ADIPOR2: variants seen among roughly 807,000 people sequenced by gnomAD.
The protein encoded by ADIPOR2 is adiponectin receptor protein 2.
ADIPOR2 carries 18 observed loss-of-function variants against 40.9 expected under a neutral mutation model. That is an observed-to-expected ratio of 0.44 (90% CI 0.30 to 0.65). The LOEUF is 0.65. Ranked by LOEUF, ADIPOR2 falls within the 30% of genes least tolerant of loss-of-function variation. ADIPOR2 has a pLI of 0.09. For missense variants in ADIPOR2, 283 were observed against 479.2 expected (o/e 0.59, Z 3.82); for synonymous variants, 165 against 166.4 (o/e 0.99, Z 0.06).
intron 1 of ADIPOR2, among the ~76,000 whole-genome samples, chr12:1,695,022 T>TG (rs1369971445): frequency 2.6e-4 from 32 of 123,604 alleles, no homozygotes; most frequent in Admixed American, 9.7e-4. Flanking sequence ...TTTTTTTTTT[T>TG]TTTTTGTTTT....
chr12:1,725,851 TTTC>T (rs2094706891), intron 1 of ADIPOR2, among the ~76,000 whole-genome samples: 1 of 152,158 alleles, frequency 6.6e-6, no homozygotes, highest in South Asian at 2.1e-4. Context: ...ATGATTTTAA[TTTC>T]TTTTTTTTCC....
intron 1 of ADIPOR2, among the ~76,000 whole-genome samples, chr12:1,705,039 CTT>C (rs2094659248): frequency 1.3e-5 from 2 of 152,108 alleles, no homozygotes; most frequent in Admixed American, 6.6e-5. Flanking sequence ...ACAAAACAGA[CTT>C]GTGCTCTGGA....
intron 1 of ADIPOR2, among the ~76,000 whole-genome samples, chr12:1,723,118 C>T (rs1174168679): frequency 6.6e-6 from 1 of 152,134 alleles, no homozygotes; most frequent in East Asian, 1.9e-4. Context: ...CCTTGAAGTT[C>T]ATTTTGGATC....
chr12:1,778,723 C>T (rs1402335079), intron 4 of ADIPOR2: 1 of 152,082 alleles, frequency 6.6e-6, no homozygotes, highest in East Asian at 1.9e-4. Flanking sequence ...GTTGGTATAT[C>T]AAAGTGCATT....
chr12:1,729,613 A>AGTT (rs2094715361), intron 1 of ADIPOR2, among the ~76,000 whole-genome samples: 1 of 83,366 alleles, frequency 1.2e-5, no homozygotes, highest in South Asian at 4.5e-4. Flanking sequence ...GAGCTCAGCC[A>AGTT]GTTGTTTTTT....
At chr12:1,781,104 G>T in intron 6 of ADIPOR2, 28 bp downstream of exon 6, 1 of 1,521,902 alleles carries the variant, frequency 6.6e-7, no homozygotes, top group South Asian at 1.3e-5. Flanking sequence ...TTCTACATTC[G>T]ACATTCATTT....
At chr12:1,695,119 G>A (rs1136213) in intron 1 of ADIPOR2, among the ~76,000 whole-genome samples, 40,460 of 150,812 alleles carry the variant, frequency 0.27, 6,039 homozygotes, top group Admixed American at 0.44. Context: ...GGGCTCAAGC[G>A]ATCCTCCCAC....
intron 1 of ADIPOR2, among the ~76,000 whole-genome samples, chr12:1,714,358 A>G (rs781777364): frequency 6.6e-5 from 10 of 151,900 alleles, no homozygotes; most frequent in Non-Finnish European, 1.3e-4. Context: ...AATGCGTCCA[A>G]ATTTTGTTCA....
chr12:1,759,143 T>C (rs1862213923), intron 2 of ADIPOR2, among the ~76,000 whole-genome samples: 2 of 152,254 alleles, frequency 1.3e-5, no homozygotes, highest in Admixed American at 1.3e-4. Context: ...GCAGAAGTTG[T>C]TGCAGACCTC....
rs33993408 is a variant in ADIPOR2, at chr12:1,725,125, C to CT, written c.-86-29118dup. On this transcript the variant is annotated intron_variant, in intron 1 of 7. Coordinates refer to ENST00000357103, the MANE Select transcript of ADIPOR2 (RefSeq NM_024551.3). ...GAAACATCCAAATACCGCAAACTTTCTTTTTTTTTTTTTTTGAGACAGTTT... is the reference window on the plus strand; with the variant it reads ...GAAACATCCAAATACCGCAAACTTTCTTTTTTTTTTTTTTTTGAGACAGTTT... Among the ~76,000 whole-genome samples, 88 of 143,894 alleles carry CT rather than the reference C, an allele frequency of 6.1e-4. No homozygotes were observed. The South Asian group carries it at 6.4e-3, about 10-fold the overall frequency. 94.4% of individuals were successfully genotyped at this position (143,894 alleles called of 152,430 possible). A position where few individuals can be genotyped will look rare whatever the true frequency, so the allele number is the denominator to read the frequency against.
At chr12:1,730,226 T>G (rs997752294) in intron 1 of ADIPOR2, among the ~76,000 whole-genome samples, 1 of 152,074 alleles carries the variant, frequency 6.6e-6, no homozygotes, top group Non-Finnish European at 1.5e-5. Flanking sequence ...ATTAAAGTTT[T>G]TTTTTTTTTT....
chr12:1,703,827 C>T (rs2094655910), intron 1 of ADIPOR2, among the ~76,000 whole-genome samples: 1 of 152,146 alleles, frequency 6.6e-6, no homozygotes, highest in South Asian at 2.1e-4. Context: ...AATCCCACCA[C>T]CCCAGCCTCT....
At chr12:1,700,433 T>G (rs1422626085) in intron 1 of ADIPOR2, among the ~76,000 whole-genome samples, 1 of 152,230 alleles carries the variant, frequency 6.6e-6, no homozygotes, top group African/African-American at 2.4e-5. Flanking sequence ...CACAGAAGAT[T>G]GACTTTATTT....
At position 1,730,344 on chromosome 12, in the gene ADIPOR2, G is replaced by A. The variant is rs375728458; in HGVS notation, c.-86-23914G>A. 7.9e-5 allele frequency among the ~76,000 whole-genome samples: 12 copies of A among 151,744 alleles called. 1 individual carries two copies. The highest frequency in any genetic ancestry group is 2.0e-4 in the Admixed American group (3 of 15,216). On this transcript the variant is annotated intron_variant, in intron 1 of 7. Coordinates refer to ENST00000357103, the MANE Select transcript of ADIPOR2 (RefSeq NM_024551.3). ...TTTGAAACAGTTGTTCAGGCCGGGCGCGGTGGCTCACACCTGTAATCTCAG... is the reference window on the plus strand; with the variant it reads ...TTTGAAACAGTTGTTCAGGCCGGGCACGGTGGCTCACACCTGTAATCTCAG...
chr12:1,702,721 G>GT (rs1565630318), intron 1 of ADIPOR2, among the ~76,000 whole-genome samples: 1 of 152,122 alleles, frequency 6.6e-6, no homozygotes, highest in East Asian at 1.9e-4. Context: ...TTCTCAGTCT[G>GT]TGTGGCTTAT....
At chr12:1,773,553 A>G (rs536329778) in intron 3 of ADIPOR2, among the ~76,000 whole-genome samples, 1 of 144,182 alleles carries the variant, frequency 6.9e-6, no homozygotes, top group Non-Finnish European at 1.5e-5. Context: ...AGTAATTAGA[A>G]TTGAGTTTGC....
chr12:1,759,042 G>A (rs1862211198), intron 2 of ADIPOR2, among the ~76,000 whole-genome samples: 3 of 152,112 alleles, frequency 2.0e-5, no homozygotes. Context: ...ATTGGCACCA[G>A]ATTGACTTAA....
chr12:1,722,630 C>T (rs1032736922), intron 1 of ADIPOR2, among the ~76,000 whole-genome samples: 2 of 152,106 alleles, frequency 1.3e-5, no homozygotes, highest in Non-Finnish European at 2.9e-5. Context: ...AAGAAATTTT[C>T]CTGTGAAAAG....
intron 6 of ADIPOR2, 34 bp from the exon 7 acceptor site, chr12:1,783,846 C>A: frequency 1.3e-6 from 2 of 1,503,790 alleles, no homozygotes; most frequent in Non-Finnish European, 1.8e-6. Context: ...TGTTTCTCTT[C>A]TGCATTACTT....
Sources: allele counts gnomAD v4.1 joint callset (sites outside exome capture counted in the v4.1 genomes callset), GRCh38; gene constraint gnomAD v4.1.1; transcripts MANE v1.5; gene names NCBI Gene and HGNC (gene_info 2026-07-23, HGNC 2026-07-21).